AGBL4: variants seen among roughly 807,000 people sequenced by gnomAD.
The protein encoded by AGBL4 is AGBL carboxypeptidase 4, also known as cytosolic carboxypeptidase 6.
A neutral mutation model predicts 66.4 loss-of-function variants in AGBL4; 58 were observed. The observed-to-expected ratio is 0.87, with a 90% confidence interval of 0.71 to 1.09. The LOEUF is 1.09. AGBL4 is among the 50% of genes least tolerant of loss of function. The pLI, the probability that AGBL4 is intolerant of heterozygous loss-of-function variation, is 0.00. For missense variants in AGBL4, 579 were observed against 631.0 expected (o/e 0.92, Z 0.88); for synonymous variants, 234 against 222.9 (o/e 1.05, Z -0.44).
rs190312645 is a variant in AGBL4, at chr1:48,961,403, T to C, written c.594+84181A>G. 1.1e-3 allele frequency among the ~76,000 whole-genome samples: 175 copies of C among 152,294 alleles called. 2 individuals carry two copies. The highest frequency in any genetic ancestry group is 2.5e-4 in the Non-Finnish European group (17 of 68,028). Reference sequence around the variant, plus strand: ...AATACTTTCTCCTTGACCCAAGCAATTGATTTTCACAATATGCTTCTTTGT... The same window carrying C: ...AATACTTTCTCCTTGACCCAAGCAACTGATTTTCACAATATGCTTCTTTGT... On this transcript the variant is annotated intron_variant, in intron 5 of 13. Transcript: ENST00000371839.
rs1345799437 is a variant in AGBL4 at position 48,634,582 on chromosome 1, G to C, written c.862C>G (p.Leu288Val). ...GAGGGATCCAGCCAGTGACGATTCA[G>C]ATCAAATCCCATCAGAGAACACCTA... ...NYRCSLMGFD[L>V]NRHWLDPSPW... is the part of the protein sequence containing the mutation. The change falls in exon 9 of 14, where the codon CTG (leucine) becomes GTG (valine). Residue 288 changes from leucine to valine, a missense_variant. Transcript: ENST00000371839. 1 of 1,603,108 alleles carries C rather than the reference G, an allele frequency of 6.2e-7. No individual in the cohort carries two copies. Among genetic ancestry groups the C allele is most frequent in the Admixed American group, 1.7e-5 (1 of 58,876 alleles).
chr1:48,968,291 G>A (rs764049440), intron 5 of AGBL4, among the ~76,000 whole-genome samples: 4 of 152,092 alleles, frequency 2.6e-5, no homozygotes, highest in Non-Finnish European at 2.9e-5. Context: ...GTGGCCTCTC[G>A]AGCAATATGG....
chr1:49,642,234 T>C (rs1029787040), intron 3 of AGBL4, among the ~76,000 whole-genome samples: 2 of 152,022 alleles, frequency 1.3e-5, no homozygotes, highest in African/African-American at 4.8e-5. Context: ...TTTACCTTCC[T>C]GCATGAAACA....
chr1:49,612,226 A>G (rs1422159802), intron 3 of AGBL4, among the ~76,000 whole-genome samples: 1 of 152,216 alleles, frequency 6.6e-6, no homozygotes, highest in African/African-American at 2.4e-5. Flanking sequence ...ATGCAGAGTA[A>G]TAGTGAGGCA....
intron 3 of AGBL4, chr1:49,423,118 T>G (rs1466624524): frequency 1.3e-5 from 2 of 152,206 alleles, no homozygotes; most frequent in Admixed American, 1.3e-4. Context: ...TGAGTTACCC[T>G]ACGAACCACA....
chr1:49,402,001 T>C (rs1305463284), intron 3 of AGBL4, among the ~76,000 whole-genome samples: 3 of 152,182 alleles, frequency 2.0e-5, no homozygotes, highest in Non-Finnish European at 4.4e-5. Context: ...ATCCTTTGAA[T>C]TTGTGTTATC....
chr1:49,800,612 G>A (rs1188680825), intron 2 of AGBL4, among the ~76,000 whole-genome samples: 9 of 109,726 alleles, frequency 8.2e-5, no homozygotes, highest in African/African-American at 2.1e-4. Context: ...GAGAATATGC[G>A]GTGTTTGGTT....
chr1:48,718,868 C>T (rs749248020), intron 6 of AGBL4, among the ~76,000 whole-genome samples: 40 of 152,182 alleles, frequency 2.6e-4, no homozygotes, highest in Admixed American at 2.6e-3. Context: ...ATGCTCCCTG[C>T]TTCTATCACT....
intron 2 of AGBL4, among the ~76,000 whole-genome samples, chr1:49,829,185 A>G (rs1645591233): frequency 6.6e-6 from 1 of 152,218 alleles, no homozygotes; most frequent in Non-Finnish European, 1.5e-5. Flanking sequence ...AAGCACAATA[A>G]TAATTCTTAA....
chr1:49,514,410 T>G (rs1649571285), intron 3 of AGBL4, among the ~76,000 whole-genome samples: 1 of 151,984 alleles, frequency 6.6e-6, no homozygotes. Context: ...TGGAAGAACA[T>G]TCCATGCTCA....
chr1:49,578,259 G>C (rs191494831), intron 3 of AGBL4, among the ~76,000 whole-genome samples: 1 of 152,298 alleles, frequency 6.6e-6, no homozygotes, highest in African/African-American at 2.4e-5. Context: ...GGAAGAGTAT[G>C]CATGGAATAC....
At chr1:49,938,956 C>T (rs1247046003) in intron 1 of AGBL4, among the ~76,000 whole-genome samples, 7 of 152,050 alleles carry the variant, frequency 4.6e-5, no homozygotes, top group East Asian at 3.9e-4. Context: ...GAAAACCCCA[C>T]TGGCTCAGCC....
intron 4 of AGBL4, among the ~76,000 whole-genome samples, chr1:49,184,438 T>C (rs192101094): frequency 6.6e-6 from 1 of 152,318 alleles, no homozygotes; most frequent in African/African-American, 2.4e-5. Flanking sequence ...CTCAGCACAC[T>C]GAATGTACAT....
intron 6 of AGBL4, among the ~76,000 whole-genome samples, chr1:48,741,583 C>A (rs1649916440): frequency 6.6e-6 from 1 of 152,250 alleles, no homozygotes; most frequent in Non-Finnish European, 1.5e-5. Flanking sequence ...CCAAGAGAGT[C>A]CTGAAAACTA....
chr1:49,860,693 T>C (rs1646548188), intron 1 of AGBL4, among the ~76,000 whole-genome samples: 1 of 150,440 alleles, frequency 6.6e-6, no homozygotes. Flanking sequence ...ACAGATGCTG[T>C]CTCAAAAAAA....
chr1:48,900,107 T>C (rs1236641224), intron 5 of AGBL4, among the ~76,000 whole-genome samples: 1 of 152,100 alleles, frequency 6.6e-6, no homozygotes, highest in Admixed American at 6.5e-5. Flanking sequence ...ACAGCTTGTA[T>C]TAAGGCTCTG....
Position 48,551,239 on chromosome 1 carries a change from A to G in AGBL4, c.1268-11501T>C, listed in dbSNP as rs369974798. On this transcript the variant is annotated intron_variant, in intron 11 of 13. Coordinates refer to ENST00000371839, the MANE Select transcript of AGBL4 (RefSeq NM_032785.4). ...TTTAGAAGGCCAGGTTTAAAGTCCA[A>G]AAAGCATGGGTTTTAATCCTGGCTC... Among the ~76,000 whole-genome samples the G allele has an allele frequency of 1.4e-4, 22 of 152,352 alleles. No homozygotes were observed. The East Asian group carries it at 1.5e-3, about 11-fold the overall frequency.
chr1:49,825,071 C>G (rs1485849441), intron 2 of AGBL4, among the ~76,000 whole-genome samples: 2 of 152,192 alleles, frequency 1.3e-5, no homozygotes, highest in African/African-American at 4.8e-5. Flanking sequence ...CCTGTTACAG[C>G]TTCCTAAGCA....
At chr1:48,624,269 G>T (rs914237888) in intron 9 of AGBL4, among the ~76,000 whole-genome samples, 2 of 152,160 alleles carry the variant, frequency 1.3e-5, no homozygotes, top group African/African-American at 4.8e-5. Flanking sequence ...GAATTATAGA[G>T]GTTTGAAAGT....
Sources: allele counts gnomAD v4.1 joint callset (sites outside exome capture counted in the v4.1 genomes callset), GRCh38; gene constraint gnomAD v4.1.1; transcripts MANE v1.5; gene names NCBI Gene and HGNC (gene_info 2026-07-23, HGNC 2026-07-21).